Variants in ARL10 observed in about 807,000 individuals in gnomAD.
The protein encoded by ARL10 is ADP-ribosylation factor-like protein 10.
In ARL10, 23 loss-of-function variants were observed where a neutral mutation model predicts 26.1. The ratio of observed to expected loss-of-function variants is 0.88; its 90% CI spans 0.63 to 1.25. The LOEUF (loss-of-function observed/expected upper bound fraction) is 1.25. ARL10 is among the 50% of genes most tolerant of loss of function. The pLI, the probability that ARL10 is intolerant of heterozygous loss-of-function variation, is 0.00. For missense variants in ARL10, 300 were observed against 323.6 expected, an observed-to-expected ratio of 0.93 and a Z score of 0.56; for synonymous variants, 138 against 149.1, an observed-to-expected ratio of 0.93 and a Z score of 0.54.
downstream of ARL10, chr5:176,393,064 C>G: frequency 1.7e-6 from 2 of 1,158,312 alleles, no homozygotes. The surrounding 1 kb of genome is among the most constrained non-coding windows in gnomAD (Gnocchi z 4.4). Context: ...GCCTTGTGCC[C>G]CCCTGACTTC....
chr5:176,404,695 T>C (rs1261123590), downstream of ARL10, among the ~76,000 whole-genome samples: 1 of 152,182 alleles, frequency 6.6e-6, no homozygotes, highest in Non-Finnish European at 1.5e-5. Context: ...ACTGATGCAC[T>C]CTAGTGGGGG....
chr5:176,387,064 TTCTCTC>T (rs55641001), intron 1 of ARL10: 12 of 552,634 alleles, frequency 2.2e-5, no homozygotes, highest in Middle Eastern at 4.7e-4. Flanking sequence ...TGGAGGCTTT[TTCTCTC>T]TCTCTCTCTT....
Position 176,371,883 on chromosome 5 carries a change from G to A in ARL10, c.723G>A (p.Glu241=), listed in dbSNP as rs1561774333. 1 of 1,614,024 alleles carries A rather than the reference G, an allele frequency of 6.2e-7. No individual in the cohort carries two copies. The highest frequency in any genetic ancestry group is 8.5e-7 in the Non-Finnish European group (1 of 1,179,938). ...TGCACATCTGGAAACTGCTCTTGGA[G>A]CTCCTCTCCTAGGCTGGAGCTCTCC... is the stretch of plus-strand genomic sequence containing the variant. ...GTVHIWKLLL[E]LLS Residue 241 remains glutamate (E), a synonymous_variant, in exon 4 of 4, where the codon GAG becomes GAA. Transcript: ENST00000310389.
In ARL10 at chr5:176,377,050, AG is replaced by A. The variant is rs1361297904; in HGVS notation, c.*5157del. The stretch of plus-strand genomic sequence containing the variant: ...TAGTGGCATCAGCATTTAGGAGAGT[AG>A]GAACTACGTGAAGTTCTGTTAGGAG... On this transcript the variant is annotated 3_prime_UTR_variant, in exon 4 of 4. Transcript: ENST00000310389. This position sits in a 1 kb window ranked among gnomAD's most constrained non-coding sequence, Gnocchi z 4.5. 1 of 152,220 alleles carries A rather than the reference AG, an allele frequency of 6.6e-6. No individual in the cohort carries two copies. Among genetic ancestry groups the A allele is most frequent in the East Asian group, 1.9e-4 (1 of 5,200 alleles). 9.4% of individuals were successfully genotyped at this position (152,220 alleles called of 1,614,324 possible).
exon 2 of ARL10, chr5:176,401,773 T>C (rs1756830674): frequency 4.4e-6 from 2 of 456,104 alleles, no homozygotes; most frequent in Admixed American, 2.4e-5. Context: ...ACTGAACAAT[T>C]TCCCGAGGGT....
At chr5:176,385,187 T>A, downstream of ARL10, 3 of 1,311,820 alleles carry the variant, frequency 2.3e-6, no homozygotes, top group Non-Finnish European at 3.3e-6. Flanking sequence ...CCAGGGCGCC[T>A]TCCCAGCCAG....
At chr5:176,397,756 C>G (rs1756615465) in intron 1 of ARL10, 1 of 1,591,158 alleles carries the variant, frequency 6.3e-7, no homozygotes, top group Non-Finnish European at 8.6e-7. Context: ...TGCTTTCCAG[C>G]TGGGATGCAC....
At chr5:176,369,476 G>A (rs1260570472) in intron 3 of ARL10, among the ~76,000 whole-genome samples, 1 of 151,994 alleles carries the variant, frequency 6.6e-6, no homozygotes, top group South Asian at 2.1e-4. Flanking sequence ...CAAGTGATCC[G>A]CCCGCCTCAG....
downstream of ARL10, chr5:176,389,718 C>G (rs750350387): frequency 2.9e-5 from 14 of 476,402 alleles, no homozygotes; most frequent in Non-Finnish European, 4.8e-5. Context: ...CATCTCCCCT[C>G]CACTCCCCTG....
intron 1 of ARL10, among the ~76,000 whole-genome samples, chr5:176,394,597 C>T (rs185113496): frequency 6.8e-6 from 1 of 147,760 alleles, no homozygotes. Context: ...GTGGGCGGAT[C>T]ACGAGGTCAG....
At chr5:176,396,218 C>T (rs1756514866) in intron 1 of ARL10, among the ~76,000 whole-genome samples, 1 of 152,108 alleles carries the variant, frequency 6.6e-6, no homozygotes, top group East Asian at 1.9e-4. Context: ...CCATTTGCCC[C>T]TCCCACATGG....
downstream of ARL10, chr5:176,392,641 A>G (rs751215834): frequency 2.1e-4 from 222 of 1,050,808 alleles, no homozygotes; most frequent in Non-Finnish European, 2.9e-4. The surrounding 1 kb of genome is among the most constrained non-coding windows in gnomAD (Gnocchi z 5.2). Flanking sequence ...CCCCCCTCCC[A>G]GCGCCTGGAG....
chr5:176,395,116 C>A (rs1756458596), intron 1 of ARL10, among the ~76,000 whole-genome samples: 1 of 148,222 alleles, frequency 6.7e-6, no homozygotes, highest in Non-Finnish European at 1.5e-5. Context: ...TCCCCACCAT[C>A]CCAGCCTGTA....
downstream of ARL10, chr5:176,388,772 G>T: frequency 6.3e-7 from 1 of 1,596,006 alleles, no homozygotes; most frequent in Non-Finnish European, 8.5e-7. Context: ...CCTTCACCGG[G>T]AGGCTGAGGT....
chr5:176,366,339 G>A (rs1185711843), intron 1 of ARL10, 41 bp from the exon 2 acceptor site: 1 of 1,564,694 alleles, frequency 6.4e-7, no homozygotes, highest in Non-Finnish European at 8.6e-7. Flanking sequence ...AAGGTCCTTC[G>A]GGAGGCCGCC....
downstream of ARL10, chr5:176,389,414 C>G: frequency 6.2e-7 from 1 of 1,614,218 alleles, no homozygotes; most frequent in Non-Finnish European, 8.5e-7. Context: ...GCTCATGATG[C>G]GCACCCGGAT....
chr5:176,388,769 C>G (rs749778599), downstream of ARL10: 1 of 1,593,508 alleles, frequency 6.3e-7, no homozygotes, highest in East Asian at 2.2e-5. Context: ...TGACCTTCAC[C>G]GGGAGGCTGA....
downstream of ARL10, chr5:176,389,242 A>T: frequency 6.9e-7 from 1 of 1,450,282 alleles, no homozygotes. Context: ...TGATCCAGAG[A>T]TCTTGGCTTT....
chr5:176,400,522 G>A (rs942589304), intron 1 of ARL10, among the ~76,000 whole-genome samples: 7 of 152,094 alleles, frequency 4.6e-5, no homozygotes, highest in African/African-American at 1.2e-4. Flanking sequence ...GCTGAGCACC[G>A]TGAGCTCTGC....
Sources: gnomAD v4.1 joint callset for allele counts (sites outside exome capture counted in the v4.1 genomes callset) on GRCh38, gnomAD v4.1.1 for gene constraint, Gnocchi (gnomAD v3.1) non-coding constraint, MANE v1.5 for transcripts, NCBI Gene and HGNC (gene_info 2026-07-23, HGNC 2026-07-21) for gene names.